Variants in ATP11A observed in about 807,000 individuals in gnomAD.
ATP11A encodes the protein ATPase phospholipid transporting 11A.
In ATP11A, 81 loss-of-function variants were observed where a neutral mutation model predicts 154.4. That is an observed-to-expected ratio of 0.52 (90% CI 0.44 to 0.63). ATP11A has a LOEUF of 0.63. ATP11A is among the 30% of genes least tolerant of loss of function. The pLI is 0.00. For synonymous variants in ATP11A, 623 were observed against 585.9 expected, an observed-to-expected ratio of 1.06 and a Z score of -0.91; for missense variants, 1,316 against 1,474.3, an observed-to-expected ratio of 0.89 and a Z score of 1.76.
intron 9 of ATP11A, 56 bp from the exon 10 acceptor site, chr13:112,824,288 C>A: frequency 7.2e-7 from 1 of 1,379,970 alleles, no homozygotes; most frequent in South Asian, 1.2e-5. Flanking sequence ...TGTAACTCAC[C>A]ATAAGGCAAG....
At chr13:112,867,642 G>T (rs527922818) in intron 25 of ATP11A, among the ~76,000 whole-genome samples, 1 of 152,214 alleles carries the variant, frequency 6.6e-6, no homozygotes, top group Non-Finnish European at 1.5e-5. Context: ...GCCTTCCTGG[G>T]ATCCGAGGAT....
At chr13:112,810,863 A>C in intron 5 of ATP11A, 137 bp downstream of exon 5, 1 of 731,104 alleles carries the variant, frequency 1.4e-6, no homozygotes, top group Non-Finnish European at 2.3e-6. Context: ...TGAGCCTGGA[A>C]GTCGGAGGCC....
intron 1 of ATP11A, among the ~76,000 whole-genome samples, chr13:112,775,970 C>T (rs777607149): frequency 6.6e-6 from 1 of 152,218 alleles, no homozygotes; most frequent in Non-Finnish European, 1.5e-5. Flanking sequence ...GGGCGTGAGC[C>T]CACGCCGTCA....
chr13:112,698,760 C>T (rs377665870), intron 1 of ATP11A, among the ~76,000 whole-genome samples: 7,554 of 152,070 alleles, frequency 0.05, 672 homozygotes, highest in African/African-American at 0.17. Context: ...CTCTGTCACC[C>T]AGGCTGGAGT....
At chr13:112,798,057 T>C (rs895303866) in intron 2 of ATP11A, among the ~76,000 whole-genome samples, 2 of 152,122 alleles carry the variant, frequency 1.3e-5, no homozygotes, top group African/African-American at 2.4e-5. Flanking sequence ...TGTGTCCTTA[T>C]GTGGCAGAAG....
At chr13:112,870,183 T>A (rs1455759092) in intron 25 of ATP11A, among the ~76,000 whole-genome samples, 4 of 152,162 alleles carry the variant, frequency 2.6e-5, no homozygotes, top group African/African-American at 7.2e-5. Context: ...GATGTGTTGA[T>A]GGGGGCCCCT....
chr13:112,862,327 G>A (rs1251454826), intron 24 of ATP11A, 113 bp from the exon 25 acceptor site: 12 of 1,298,514 alleles, frequency 9.2e-6, no homozygotes, highest in Admixed American at 6.9e-5. Context: ...TTTACTGGCC[G>A]TGCACATCTT....
chr13:112,832,711 C>T, intron 13 of ATP11A, 149 bp from the exon 14 acceptor site: 1 of 781,490 alleles, frequency 1.3e-6, no homozygotes, highest in South Asian at 1.8e-5. Context: ...AATTCCATCC[C>T]ACTGTATAAC....
intron 1 of ATP11A, among the ~76,000 whole-genome samples, chr13:112,735,741 G>A (rs920616428): frequency 2.6e-5 from 4 of 152,192 alleles, no homozygotes; most frequent in Admixed American, 6.5e-5. Flanking sequence ...AGGCATTACA[G>A]AGTTGAACTC....
In ATP11A at chr13:112,728,510, G is replaced by A. The variant is rs11619007; in HGVS notation, c.39+38055G>A. Among the ~76,000 whole-genome samples, 844 of 148,794 alleles carry A rather than the reference G, an allele frequency of 5.7e-3. 10 individuals carry two copies. Among genetic ancestry groups the A allele is most frequent in the Middle Eastern group, 0.029 (8 of 274 alleles). On this transcript the variant is annotated intron_variant, in intron 1 of 29. Coordinates refer to ENST00000375645, the MANE Select transcript of ATP11A (RefSeq NM_015205.3). ...GTTACCTGTATGTACCGCGTTATCA[G>A]TATCCACGCGTGGAGGGGGCCGTGA...
intron 25 of ATP11A, among the ~76,000 whole-genome samples, chr13:112,871,199 G>A (rs2080509555): frequency 6.6e-6 from 1 of 152,206 alleles, no homozygotes; most frequent in African/African-American, 2.4e-5. Context: ...TTCTTCAACA[G>A]CAGGCAGGAG....
chr13:112,812,094 A>G (rs1264695963), intron 5 of ATP11A: 1 of 152,224 alleles, frequency 6.6e-6, no homozygotes, highest in Non-Finnish European at 1.5e-5. Context: ...ATCTGTTTCA[A>G]ATGAATTATC....
At position 112,830,361 on chromosome 13, in the gene ATP11A, G is replaced by A. The variant is rs555126355; in HGVS notation, c.1222-1014G>A. 4.6e-5 allele frequency among the ~76,000 whole-genome samples: 7 copies of A among 152,220 alleles called. No individual in the cohort carries two copies. In the East Asian group the frequency reaches 1.2e-3, roughly 25 times the overall value. On this transcript the variant is annotated intron_variant, in intron 12 of 29. Coordinates refer to ENST00000375645, the MANE Select transcript of ATP11A (RefSeq NM_015205.3). The stretch of plus-strand genomic sequence containing the variant: ...AGGCTGAGGTGGGTGGATCGCCTGA[G>A]GTCAGGATTTCAAGACCAGCCTGGC...
rs141142729 is a variant in ATP11A, at chr13:112,831,088, A to G, written c.1222-287A>G. On this transcript the variant is annotated intron_variant, in intron 12 of 29. Transcript: ENST00000375645. ...CCGGGGAATGGGACTATGAGACCAT[A>G]CTCTGTTTTGCTCCCAACCCAGAGA... Among the ~76,000 whole-genome samples the G allele has an allele frequency of 7.0e-3, 1,062 of 152,204 alleles. 19 individuals carry two copies. Among genetic ancestry groups the G allele is most frequent in the African/African-American group, 0.024 (1,006 of 41,528 alleles).
At chr13:112,834,723 G>A in intron 15 of ATP11A, 63 bp downstream of exon 15, 1 of 1,375,918 alleles carries the variant, frequency 7.3e-7, no homozygotes, top group Admixed American at 1.8e-5. Flanking sequence ...TCTTTATAAG[G>A]TTCTGCGTTT....
At chr13:112,822,188 T>G (rs1275504459) in intron 8 of ATP11A, among the ~76,000 whole-genome samples, 1 of 152,264 alleles carries the variant, frequency 6.6e-6, no homozygotes, top group East Asian at 1.9e-4. Flanking sequence ...AGCAATCCTC[T>G]GAATGTTATC....
At position 112,811,046 on chromosome 13, in the gene ATP11A, C is replaced by T. The variant is rs2078479284; in HGVS notation, c.441+320C>T. On this transcript the variant is annotated intron_variant, in intron 5 of 29. Transcript: ENST00000375645. ...TTTTATTGGGTGTAGGCCCAAGCTCCCTACTTCTTTTTTTTTTTTTTACCT... is the reference window on the plus strand; with the variant it reads ...TTTTATTGGGTGTAGGCCCAAGCTCTCTACTTCTTTTTTTTTTTTTTACCT... 1.1e-4 allele frequency among the ~76,000 whole-genome samples: 16 copies of T among 151,180 alleles called. 1 individual carries two copies. The highest frequency in any genetic ancestry group is 1.1e-3 in the Admixed American group (16 of 15,184).
intron 27 of ATP11A, among the ~76,000 whole-genome samples, chr13:112,874,881 T>C (rs1207082441): frequency 6.6e-6 from 1 of 152,124 alleles, no homozygotes; most frequent in Non-Finnish European, 1.5e-5. Context: ...CCCAAACCTC[T>C]CTGACCAGCT....
chr13:112,719,502 T>C (rs1477821606), intron 1 of ATP11A, among the ~76,000 whole-genome samples: 1 of 152,214 alleles, frequency 6.6e-6, no homozygotes, highest in Non-Finnish European at 1.5e-5. Flanking sequence ...AAACATTTAG[T>C]TATAGATCTG....
Sources: allele counts gnomAD v4.1 joint callset (sites outside exome capture counted in the v4.1 genomes callset), GRCh38; gene constraint gnomAD v4.1.1; transcripts MANE v1.5; gene names NCBI Gene and HGNC (gene_info 2026-07-23, HGNC 2026-07-21).